The following PIN4 variants were observed in gnomAD, a reference collection of about 807,000 sequenced individuals.
PIN4 encodes the protein peptidyl-prolyl cis-trans isomerase NIMA-interacting 4.
In PIN4, 3 loss-of-function variants were observed where a neutral mutation model predicts 8.3. The ratio of observed to expected loss-of-function variants is 0.36; its 90% CI spans 0.16 to 0.93. The LOEUF is 0.93. PIN4 is among the 40% of genes least tolerant of loss of function. PIN4 has a pLI of 0.44. For synonymous variants in PIN4, 18 were observed against 32.5 expected, an observed-to-expected ratio of 0.55 and a Z score of 1.52; for missense variants, 75 against 100.6, an observed-to-expected ratio of 0.75 and a Z score of 1.09.
chrX:72,191,886 T>C (rs1373935383), intron 2 of PIN4, among the ~76,000 whole-genome samples: 1 of 111,169 alleles, frequency 9.0e-6, no homozygotes, highest in Non-Finnish European at 1.9e-5. Flanking sequence ...GGTTTTTTTT[T>C]TCCTAGGTCT....
At chrX:72,245,947 C>T (rs1441090561) in intron 3 of PIN4, among the ~76,000 whole-genome samples, 1 of 111,894 alleles carries the variant, frequency 8.9e-6, no homozygotes, top group Non-Finnish European at 1.9e-5. Context: ...GGCAGTCCCA[C>T]TGCACAAAAC....
At chrX:72,204,317 T>C (rs1252235572) in intron 3 of PIN4, among the ~76,000 whole-genome samples, 1 of 112,812 alleles carries the variant, frequency 8.9e-6, no homozygotes, top group African/African-American at 3.2e-5. Flanking sequence ...TTGTGTATGT[T>C]GAACCATTTT....
intron 2 of PIN4, among the ~76,000 whole-genome samples, chrX:72,196,288 C>T (rs892975911): frequency 9.0e-5 from 10 of 110,961 alleles, no homozygotes; most frequent in African/African-American, 3.3e-4. Context: ...GTAATCCCAG[C>T]ACTTTGGGAG....
intron 3 of PIN4, among the ~76,000 whole-genome samples, chrX:72,240,627 G>C (rs1206299712): frequency 9.1e-6 from 1 of 110,096 alleles, no homozygotes; most frequent in Non-Finnish European, 1.9e-5. Context: ...TGGCCAAATG[G>C]TGAAACCCCC....
chrX:72,193,872 CAAAAAAA>C (rs757224920), intron 2 of PIN4, among the ~76,000 whole-genome samples: 2 of 47,475 alleles, frequency 4.2e-5, no homozygotes, highest in South Asian at 1.8e-3. Context: ...GACTTCATCT[CAAAAAAA>C]AAAAAAAGAA....
intron 3 of PIN4, among the ~76,000 whole-genome samples, chrX:72,254,942 C>T (rs1025643385): frequency 6.3e-5 from 7 of 111,332 alleles, no homozygotes; most frequent in Admixed American, 2.9e-4. Context: ...CTGTGGGCCT[C>T]ATCTCCAAAA....
chrX:72,262,560 T>G (rs2043143886), intron 3 of PIN4: 4 of 381,997 alleles, frequency 1.0e-5, no homozygotes, highest in Non-Finnish European at 9.1e-6. Context: ...TAGCACTTAA[T>G]GATGATCAGA....
Position 72,213,219 on chromosome X carries a change from G to A in PIN4, c.312+16315G>A, listed in dbSNP as rs181900884. On this transcript the variant is annotated intron_variant, in intron 3 of 3. Coordinates refer to the PIN4 transcript ENST00000423432. The stretch of plus-strand genomic sequence containing the variant: ...GACTAAGAATTCCTAAGCCTAGCTG[G>A]GGAAGGTGACTACACCTACCTTTAA... Among the ~76,000 whole-genome samples, 458 of 111,338 alleles carry A rather than the reference G, an allele frequency of 4.1e-3. 2 individuals are homozygous for A. Among genetic ancestry groups the A allele is most frequent in the African/African-American group, 0.014 (419 of 30,575 alleles).
In PIN4 at chrX:72,263,067, C is replaced by T. The variant is rs1885484; in HGVS notation, c.*271C>T. 66 of 254,104 alleles carry T rather than the reference C, an allele frequency of 2.6e-4. No homozygotes were observed. In the East Asian group the frequency reaches 3.5e-3, roughly 13 times the overall value. 20.9% of individuals were successfully genotyped at this position (254,104 alleles called of 1,213,427 possible). A position where few individuals can be genotyped will look rare whatever the true frequency, so the allele number is the denominator to read the frequency against. ...TCAGCACCCACAGGGTGCCAGTGAACGGGCTAGGTGCTGGGGATAGAGTGG... is the reference window on the plus strand; with the variant it reads ...TCAGCACCCACAGGGTGCCAGTGAATGGGCTAGGTGCTGGGGATAGAGTGG... On this transcript the variant is annotated 3_prime_UTR_variant, in exon 4 of 4. Coordinates refer to the PIN4 transcript ENST00000423432.
chrX:72,199,516 C>T (rs781136773), downstream of PIN4, among the ~76,000 whole-genome samples: 5 of 111,294 alleles, frequency 4.5e-5, no homozygotes, highest in East Asian at 2.8e-4. Flanking sequence ...CCAGCCTGGG[C>T]GACAGAGCGA....
chrX:72,245,933 A>T (rs780068734), intron 3 of PIN4, among the ~76,000 whole-genome samples: 1 of 111,731 alleles, frequency 9.0e-6, no homozygotes, highest in Admixed American at 9.5e-5. Flanking sequence ...GAAACCTTTG[A>T]CAAGGCAGTC....
In PIN4 at chrX:72,197,509, G is replaced by A. The variant is rs1667663132; in HGVS notation, c.379G>A (p.Val127Ile). ...KTKFGYHIIMVEGRK is the reference protein window; with the variant it reads ...KTKFGYHIIMIEGRK ...AAAATTTGGATATCATATTATTATG[G>A]TCGAAGGAAGAAAATAAAATCATAT... Residue 127 changes from valine (V) to isoleucine (I), a missense_variant, in exon 4 of 4, where the codon GTC becomes ATC. Val to Ile is a conservative substitution (Grantham distance 29, BLOSUM62 3). Coordinates refer to ENST00000373669, the MANE Select transcript of PIN4 (RefSeq NM_006223.4). The A allele has an allele frequency of 8.3e-7, 1 of 1,198,817 alleles. No homozygotes were observed. The highest frequency in any genetic ancestry group is 2.2e-5 in the Admixed American group (1 of 45,472).
chrX:72,230,123 C>T (rs1165043141), intron 3 of PIN4, among the ~76,000 whole-genome samples: 10 of 108,785 alleles, frequency 9.2e-5, no homozygotes, highest in Non-Finnish European at 1.7e-4. Flanking sequence ...TGCAGTGAGC[C>T]GAGATTGCGC....
intron 3 of PIN4, among the ~76,000 whole-genome samples, chrX:72,260,634 C>T (rs753286191): frequency 8.9e-6 from 1 of 112,167 alleles, no homozygotes; most frequent in African/African-American, 3.2e-5. Context: ...GTATGTACCT[C>T]GCCCTCTACC....
At chrX:72,253,285 T>C (rs777261178) in intron 3 of PIN4, among the ~76,000 whole-genome samples, 1 of 112,359 alleles carries the variant, frequency 8.9e-6, no homozygotes, top group South Asian at 3.7e-4. Flanking sequence ...AATGGTTTCC[T>C]AACTAGTCTC....
chrX:72,183,257 A>G (rs1056748251), intron 1 of PIN4, among the ~76,000 whole-genome samples: 1 of 111,817 alleles, frequency 8.9e-6, no homozygotes, highest in South Asian at 3.8e-4. Context: ...TCTGTGGGAC[A>G]TCTCAGTGGA....
intron 3 of PIN4, among the ~76,000 whole-genome samples, chrX:72,239,734 T>C (rs1168737045): frequency 1.1e-5 from 1 of 91,654 alleles, no homozygotes; most frequent in Non-Finnish European, 2.1e-5. Flanking sequence ...ATTGCACCAC[T>C]GCACTCCAGC....
chrX:72,236,163 G>A (rs1472519340), intron 3 of PIN4, among the ~76,000 whole-genome samples: 1 of 111,976 alleles, frequency 8.9e-6, no homozygotes, highest in Non-Finnish European at 1.9e-5. Flanking sequence ...GTAATAAAAA[G>A]TCTGATTCTG....
intron 3 of PIN4, among the ~76,000 whole-genome samples, chrX:72,220,395 G>A (rs2042915933): frequency 9.0e-6 from 1 of 111,661 alleles, no homozygotes; most frequent in African/African-American, 3.3e-5. Context: ...TCATTCAGCG[G>A]GAGCATCGGC....
Sources: allele counts gnomAD v4.1 joint callset (sites outside exome capture counted in the v4.1 genomes callset), GRCh38; gene constraint gnomAD v4.1.1; transcripts MANE v1.5; gene names NCBI Gene and HGNC (gene_info 2026-07-23, HGNC 2026-07-21).